Variants in PEX5L observed in about 807,000 individuals in gnomAD.
PEX5L encodes peroxisomal biogenesis factor 5 like, also known as PEX5-related protein.
In PEX5L, 30 loss-of-function variants were observed where a neutral mutation model predicts 84.0. That is an observed-to-expected ratio of 0.36 (90% confidence interval 0.27 to 0.48). PEX5L has a LOEUF of 0.48. Ranked by LOEUF, PEX5L falls within the 20% of genes least tolerant of loss-of-function variation. PEX5L has a pLI of 0.99. For missense variants in PEX5L, 533 were observed against 754.6 expected (o/e 0.71, Z 3.44); for synonymous variants, 270 against 283.1 (o/e 0.95, Z 0.46).
At chr3:179,949,346 GT>G (rs1284817976) in intron 2 of PEX5L, among the ~76,000 whole-genome samples, 2 of 152,102 alleles carry the variant, frequency 1.3e-5, no homozygotes, top group Non-Finnish European at 2.9e-5. Flanking sequence ...ATCTTTCCAA[GT>G]TTTTGTCTTG....
At chr3:179,863,754 A>G (rs1747094943) in intron 7 of PEX5L, among the ~76,000 whole-genome samples, 1 of 152,144 alleles carries the variant, frequency 6.6e-6, no homozygotes, top group Non-Finnish European at 1.5e-5. Context: ...TGTAACCATT[A>G]TGGAAAACAG....
chr3:179,913,752 A>G (rs1169465709), intron 2 of PEX5L, among the ~76,000 whole-genome samples: 2 of 152,208 alleles, frequency 1.3e-5, no homozygotes, highest in African/African-American at 2.4e-5. Context: ...AAGCAAAGAA[A>G]GTGACTGACA....
intron 2 of PEX5L, among the ~76,000 whole-genome samples, chr3:179,900,944 C>G (rs948253316): frequency 3.3e-5 from 5 of 152,196 alleles, no homozygotes; most frequent in African/African-American, 1.2e-4. Flanking sequence ...AGTGAATACA[C>G]TCATGTATCA....
At chr3:179,949,019 CG>C (rs1778370742) in intron 2 of PEX5L, among the ~76,000 whole-genome samples, 1 of 152,160 alleles carries the variant, frequency 6.6e-6, no homozygotes, top group Non-Finnish European at 1.5e-5. Context: ...TTCCCAGTGA[CG>C]GTGCCGTTGT....
intron 8 of PEX5L, among the ~76,000 whole-genome samples, chr3:179,822,582 G>C (rs546367784): frequency 1.3e-5 from 2 of 152,310 alleles, no homozygotes; most frequent in African/African-American, 4.8e-5. Flanking sequence ...CATTCACGTA[G>C]CTACAATTAA....
At chr3:180,007,574 C>A (rs897028892) in intron 1 of PEX5L, among the ~76,000 whole-genome samples, 2 of 152,236 alleles carry the variant, frequency 1.3e-5, no homozygotes, top group East Asian at 3.8e-4. Context: ...TTCCACACTG[C>A]CCTAGCAGAA....
intron 2 of PEX5L, among the ~76,000 whole-genome samples, chr3:179,932,909 C>T (rs750099150): frequency 6.6e-6 from 1 of 152,010 alleles, no homozygotes; most frequent in Non-Finnish European, 1.5e-5. Flanking sequence ...TTTGAGAATA[C>T]AATACATTGT....
intron 4 of PEX5L, among the ~76,000 whole-genome samples, chr3:179,882,058 A>G (rs1175267523): frequency 6.6e-6 from 1 of 152,240 alleles, no homozygotes; most frequent in African/African-American, 2.4e-5. Context: ...TTTCCAGACC[A>G]CTATTATGTT....
At chr3:179,876,210 G>A (rs898786893) in intron 5 of PEX5L, among the ~76,000 whole-genome samples, 2 of 152,036 alleles carry the variant, frequency 1.3e-5, no homozygotes, top group African/African-American at 2.4e-5. Context: ...TAAAAAGATC[G>A]GGCCAGGTGG....
At chr3:179,859,180 T>C in intron 7 of PEX5L, 23 bp from the exon 8 acceptor site, 1 of 1,504,902 alleles carries the variant, frequency 6.6e-7, no homozygotes. Flanking sequence ...ATACACATAG[T>C]GTTATAATAT....
In PEX5L at chr3:179,811,785, A is replaced by C. The variant is rs2108812952; in HGVS notation, c.1154+16T>G. The stretch of plus-strand genomic sequence containing the variant: ...GTATCCACCAGGCCCATGATTTTGC[A>C]CTTAGCTTCCTTTACCTCTGGAGGG... On this transcript the variant is annotated intron_variant, in intron 11 of 14. Coordinates refer to ENST00000467460, the MANE Select transcript of PEX5L (RefSeq NM_016559.3). The C allele has an allele frequency of 6.3e-7, 1 of 1,599,796 alleles. No individual in the cohort carries two copies. The highest frequency in any genetic ancestry group is 8.6e-7 in the Non-Finnish European group (1 of 1,166,846).
intron 1 of PEX5L, among the ~76,000 whole-genome samples, chr3:179,997,309 A>G (rs1451213376): frequency 6.6e-6 from 1 of 152,176 alleles, no homozygotes; most frequent in Non-Finnish European, 1.5e-5. Context: ...GTAGGGGCTT[A>G]TGGAGGTCAG....
At chr3:179,916,016 CTT>C (rs942643015) in intron 2 of PEX5L, among the ~76,000 whole-genome samples, 12 of 152,186 alleles carry the variant, frequency 7.9e-5, no homozygotes, top group Non-Finnish European at 1.8e-4. Flanking sequence ...GAGAGAATAA[CTT>C]AAATCAAAGC....
chr3:179,826,213 C>T (rs1730441464), intron 8 of PEX5L, among the ~76,000 whole-genome samples: 1 of 152,164 alleles, frequency 6.6e-6, no homozygotes, highest in African/African-American at 2.4e-5. Flanking sequence ...CCATTTCTAA[C>T]AGAGGAAATC....
intron 1 of PEX5L, among the ~76,000 whole-genome samples, chr3:180,030,768 C>T (rs534152899): frequency 2.0e-5 from 3 of 152,120 alleles, no homozygotes; most frequent in Non-Finnish European, 4.4e-5. Flanking sequence ...AAATAACTTG[C>T]TACATCAAGT....
intron 2 of PEX5L, among the ~76,000 whole-genome samples, chr3:179,956,915 A>G (rs1780720202): frequency 6.6e-6 from 1 of 151,906 alleles, no homozygotes; most frequent in Non-Finnish European, 1.5e-5. Context: ...TTTTTTTGCA[A>G]TCCCTTCTTT....
chr3:179,936,568 C>G (rs1774683455), intron 2 of PEX5L, among the ~76,000 whole-genome samples: 1 of 36,508 alleles, frequency 2.7e-5, no homozygotes, highest in African/African-American at 1.0e-4. Flanking sequence ...TAACTTAATT[C>G]TGCCCTGTTA....
intron 7 of PEX5L, among the ~76,000 whole-genome samples, chr3:179,868,922 C>T (rs1481673227): frequency 1.3e-5 from 2 of 151,336 alleles, no homozygotes; most frequent in South Asian, 2.1e-4. Flanking sequence ...TGTGTATACA[C>T]GTTAAGAACA....
chr3:179,965,065 C>T (rs1231874639), intron 2 of PEX5L, among the ~76,000 whole-genome samples: 1 of 152,230 alleles, frequency 6.6e-6, no homozygotes, highest in African/African-American at 2.4e-5. Flanking sequence ...GATACACACA[C>T]ATTCTGTGTT....
Sources: allele counts gnomAD v4.1 joint callset (sites outside exome capture counted in the v4.1 genomes callset), GRCh38; gene constraint gnomAD v4.1.1; transcripts MANE v1.5; gene names NCBI Gene and HGNC (gene_info 2026-07-23, HGNC 2026-07-21).